The following RRP15 variants were observed in gnomAD, a reference collection of about 807,000 sequenced individuals.
RRP15 encodes RRP15-like protein.
Under a neutral mutation model 27.1 loss-of-function variants are expected in RRP15, and 18 were observed. That is an observed-to-expected ratio of 0.66 (90% CI 0.46 to 0.98). The LOEUF (loss-of-function observed/expected upper bound fraction) is 0.98. Ranked by LOEUF, RRP15 falls within the 50% of genes least tolerant of loss-of-function variation. The probability of loss-of-function intolerance (pLI) is 0.00; values close to 1 mark genes in which losing one functional copy is unlikely to be tolerated. For synonymous variants in RRP15, 107 were observed against 109.4 expected (o/e 0.98, Z 0.14); for missense variants, 359 against 337.8 (o/e 1.06, Z -0.49).
At chr1:218,305,000 C>G in intron 2 of RRP15, 28 bp from the exon 3 acceptor site, 1 of 1,569,840 alleles carries the variant, frequency 6.4e-7, no homozygotes, top group East Asian at 2.2e-5. Flanking sequence ...ATCTAATATT[C>G]TTTCACATAA....
chr1:218,290,714 C>G (rs1655625357), intron 1 of RRP15, among the ~76,000 whole-genome samples: 1 of 152,212 alleles, frequency 6.6e-6, no homozygotes, highest in South Asian at 2.1e-4. Context: ...ATTGATCTGC[C>G]TGCCTTGGCC....
intron 1 of RRP15, among the ~76,000 whole-genome samples, chr1:218,287,555 A>G (rs1013390085): frequency 1.3e-5 from 2 of 152,182 alleles, no homozygotes; most frequent in African/African-American, 4.8e-5. Context: ...TTTCAGTTTT[A>G]GGAAAGATAT....
intron 4 of RRP15, 144 bp downstream of exon 4, chr1:218,307,776 G>C (rs1655924063): frequency 1.6e-6 from 1 of 632,258 alleles, no homozygotes; most frequent in African/African-American, 1.8e-5. Flanking sequence ...GCAACCTTTA[G>C]AGATAGGGCT....
chr1:218,305,974 A>G (rs1308136686), intron 3 of RRP15, among the ~76,000 whole-genome samples: 1 of 152,162 alleles, frequency 6.6e-6, no homozygotes, highest in Non-Finnish European at 1.5e-5. Context: ...AGAGGATAAT[A>G]TACCTAGCCT....
At chr1:218,288,118 T>C (rs778918224) in intron 1 of RRP15, among the ~76,000 whole-genome samples, 4 of 152,188 alleles carry the variant, frequency 2.6e-5, no homozygotes, top group Non-Finnish European at 4.4e-5. Flanking sequence ...AGCAGGGAGC[T>C]ATTGAGAACT....
Position 218,333,077 on chromosome 1 carries a change from A to G in RRP15, c.*1986A>G, listed in dbSNP as rs1163910135. 2.6e-5 allele frequency: 4 copies of G among 152,130 alleles called. No individual in the cohort carries two copies. The highest frequency in any genetic ancestry group is 5.9e-5 in the Non-Finnish European group (4 of 68,018). 9.4% of individuals were successfully genotyped at this position (152,130 alleles called of 1,614,324 possible). ...TTTATAGTCCCTCATTTGATTTGAAAAAATTTGACAAGATCTTCACATTGA... is the reference window on the plus strand; with the variant it reads ...TTTATAGTCCCTCATTTGATTTGAAGAAATTTGACAAGATCTTCACATTGA... On this transcript the variant is annotated 3_prime_UTR_variant, in exon 5 of 5. Coordinates refer to ENST00000366932, the MANE Select transcript of RRP15 (RefSeq NM_016052.4).
At chr1:218,294,515 A>G (rs535382701) in intron 1 of RRP15, among the ~76,000 whole-genome samples, 9 of 152,316 alleles carry the variant, frequency 5.9e-5, no homozygotes, top group African/African-American at 1.9e-4. Flanking sequence ...AAAGCATATT[A>G]CAGAGGATAC....
chr1:218,317,039 T>C (rs1361525842), intron 4 of RRP15, among the ~76,000 whole-genome samples: 1 of 152,222 alleles, frequency 6.6e-6, no homozygotes, highest in Admixed American at 6.5e-5. Context: ...CCACTTATGG[T>C]TGAACTAACT....
chr1:218,287,899 A>T (rs1191602152), intron 1 of RRP15, among the ~76,000 whole-genome samples: 1 of 152,176 alleles, frequency 6.6e-6, no homozygotes, highest in East Asian at 1.9e-4. Flanking sequence ...CTTTAGAAGG[A>T]TGAATAGTTT....
At chr1:218,307,856 C>A (rs1406340565) in intron 4 of RRP15, among the ~76,000 whole-genome samples, 1 of 152,052 alleles carries the variant, frequency 6.6e-6, no homozygotes, top group Non-Finnish European at 1.5e-5. Flanking sequence ...TGGGCCACAG[C>A]TTTAATTTCA....
intron 4 of RRP15, among the ~76,000 whole-genome samples, chr1:218,316,711 T>C (rs1462375422): frequency 1.3e-5 from 2 of 152,228 alleles, no homozygotes; most frequent in African/African-American, 4.8e-5. Flanking sequence ...GCTGTATAAA[T>C]GTTTGCAATA....
intron 3 of RRP15, among the ~76,000 whole-genome samples, chr1:218,306,926 G>T (rs2102501290): frequency 6.6e-6 from 1 of 152,252 alleles, no homozygotes; most frequent in South Asian, 2.1e-4. Context: ...CATTTCAAGT[G>T]CTCACTAGCC....
chr1:218,294,843 G>A (rs914889507), intron 1 of RRP15, among the ~76,000 whole-genome samples: 1 of 152,158 alleles, frequency 6.6e-6, no homozygotes, highest in African/African-American at 2.4e-5. Flanking sequence ...GGGGCTACCA[G>A]CCCTCAATCA....
chr1:218,314,894 A>G (rs1656055933), intron 4 of RRP15, among the ~76,000 whole-genome samples: 1 of 150,132 alleles, frequency 6.7e-6, no homozygotes, highest in Non-Finnish European at 1.5e-5. Context: ...TGGGAGGCTG[A>G]GGCAGGAGAA....
At position 218,305,093 on chromosome 1, in the gene RRP15, GAC is replaced by G; in HGVS notation, c.473_474del (p.Thr158ArgfsTer17). The G allele has an allele frequency of 1.9e-6, 3 of 1,613,760 alleles. No homozygotes were observed. Among genetic ancestry groups the G allele is most frequent in the Non-Finnish European group, 1.7e-6 (2 of 1,179,778 alleles). ...AGCCAGATGTTGTCCAAGACAAAGAGACAGAGAGAAATCTTCAGAGAATTGCA... is the reference window on the plus strand; with the variant it reads ...AGCCAGATGTTGTCCAAGACAAAGAGAGAGAGAAATCTTCAGAGAATTGCA... ...VKPDVVQDKE[T>X]ERNLQRIATR... On this transcript the variant is annotated frameshift_variant, in exon 3 of 5. Coordinates refer to ENST00000366932, the MANE Select transcript of RRP15 (RefSeq NM_016052.4). LOFTEE classifies it high-confidence loss of function.
intron 4 of RRP15, among the ~76,000 whole-genome samples, chr1:218,319,962 G>C (rs1262236274): frequency 6.7e-6 from 1 of 150,032 alleles, no homozygotes; most frequent in Non-Finnish European, 1.5e-5. Context: ...AAAATGAATA[G>C]AGCACTGTCA....
intron 4 of RRP15, among the ~76,000 whole-genome samples, chr1:218,318,697 G>A (rs11118081): frequency 0.076 from 11,591 of 151,704 alleles, 749 homozygotes; most frequent in African/African-American, 0.18. Flanking sequence ...AGAATGTTTC[G>A]TGCTAGTGAT....
At chr1:218,323,915 C>A (rs117566329) in intron 4 of RRP15, among the ~76,000 whole-genome samples, 1 of 152,164 alleles carries the variant, frequency 6.6e-6, no homozygotes, top group African/African-American at 2.4e-5. Flanking sequence ...AAGATACTTC[C>A]GAGCCTGCAG....
intron 4 of RRP15, among the ~76,000 whole-genome samples, chr1:218,328,658 G>A (rs569199583): frequency 4.5e-4 from 68 of 151,186 alleles, no homozygotes; most frequent in African/African-American, 1.4e-3. Flanking sequence ...GCGAGACTCC[G>A]TCTCAAAAAA....
Sources: gnomAD v4.1 joint callset for allele counts (sites outside exome capture counted in the v4.1 genomes callset) on GRCh38, gnomAD v4.1.1 for gene constraint, MANE v1.5 for transcripts, NCBI Gene and HGNC (gene_info 2026-07-23, HGNC 2026-07-21) for gene names.